The following OTUD7A variants were observed in gnomAD, a reference collection of about 807,000 sequenced individuals.
OTUD7A encodes OTU deubiquitinase 7A.
A neutral mutation model predicts 65.7 loss-of-function variants in OTUD7A; 12 were observed. The observed-to-expected ratio is 0.18, with a 90% confidence interval of 0.12 to 0.30. OTUD7A has a LOEUF of 0.30. Among genes scored for constraint, OTUD7A ranks in the 10% least tolerant of loss-of-function variants. The pLI, the probability that OTUD7A is intolerant of heterozygous loss-of-function variation, is 1.00. For missense variants in OTUD7A, 1,148 were observed against 1,304.8 expected (o/e 0.88, Z 1.85); for synonymous variants, 641 against 586.3 (o/e 1.09, Z -1.35).
chr15:31,586,768 G>A (rs1285143012), intron 3 of OTUD7A, among the ~76,000 whole-genome samples: 1 of 152,106 alleles, frequency 6.6e-6, no homozygotes, highest in African/African-American at 2.4e-5. Flanking sequence ...AACACTGAGA[G>A]CTAGCCACTC....
At chr15:31,730,088 G>A (rs939503321) in intron 1 of OTUD7A, among the ~76,000 whole-genome samples, 6 of 152,102 alleles carry the variant, frequency 3.9e-5, no homozygotes, top group African/African-American at 7.2e-5. Flanking sequence ...AATGGAATTC[G>A]TGCCCTGTTA....
chr15:31,731,179 G>C (rs1437719096), intron 1 of OTUD7A, among the ~76,000 whole-genome samples: 2 of 152,146 alleles, frequency 1.3e-5, no homozygotes, highest in Non-Finnish European at 2.9e-5. Context: ...TCTAAAGGGT[G>C]ATCTCTTTTT....
intron 1 of OTUD7A, chr15:31,766,550 A>G: frequency 1.2e-6 from 2 of 1,613,132 alleles, no homozygotes; most frequent in South Asian, 1.1e-5. Context: ...CTGTTTGCAC[A>G]CTTGTGCTGC....
intron 6 of OTUD7A, among the ~76,000 whole-genome samples, chr15:31,528,790 G>T (rs6493740): frequency 6.6e-6 from 1 of 152,160 alleles, no homozygotes; most frequent in Non-Finnish European, 1.5e-5. Flanking sequence ...AGGCCAACAG[G>T]GGTTCCACAA....
intron 1 of OTUD7A, among the ~76,000 whole-genome samples, chr15:31,802,101 ATATGTGTGTGTGTGTGTG>A (rs1179671505): frequency 7.1e-6 from 1 of 140,878 alleles, no homozygotes. Context: ...GTGTGTGTAT[ATATGTGTGTGTGTGTGTG>A]TGTGTGTGTG....
At chr15:31,599,189 T>C (rs770776474) in intron 3 of OTUD7A, among the ~76,000 whole-genome samples, 3 of 152,240 alleles carry the variant, frequency 2.0e-5, no homozygotes, top group Non-Finnish European at 4.4e-5. Flanking sequence ...AGTGGGTCCC[T>C]GACCCCTGTG....
chr15:31,689,828 T>G (rs1177829458), intron 1 of OTUD7A, among the ~76,000 whole-genome samples: 1 of 152,108 alleles, frequency 6.6e-6, no homozygotes, highest in Non-Finnish European at 1.5e-5. Flanking sequence ...GGACTGTGCT[T>G]CTCAGCGGGG....
At chr15:31,664,989 G>A (rs561633180) in intron 1 of OTUD7A, among the ~76,000 whole-genome samples, 1 of 152,152 alleles carries the variant, frequency 6.6e-6, no homozygotes, top group Non-Finnish European at 1.5e-5. Context: ...TGTATTTCTG[G>A]GTTCTCTATT....
chr15:31,532,368 C>G (rs1887651359), intron 5 of OTUD7A, among the ~76,000 whole-genome samples: 1 of 151,836 alleles, frequency 6.6e-6, no homozygotes, highest in African/African-American at 2.4e-5. Context: ...AAATAAAGAA[C>G]AAAAATATGG....
At chr15:31,699,905 T>C (rs1278599099) in intron 1 of OTUD7A, among the ~76,000 whole-genome samples, 2 of 152,060 alleles carry the variant, frequency 1.3e-5, no homozygotes, top group Non-Finnish European at 2.9e-5. Flanking sequence ...TCCCTCTGCA[T>C]TGTTAACAAA....
Position 31,487,860 on chromosome 15 carries a change from C to G in OTUD7A, c.1172-294G>C, listed in dbSNP as rs7164892. On this transcript the variant is annotated intron_variant, in intron 10 of 12. Coordinates refer to ENST00000307050, the MANE Select transcript of OTUD7A (RefSeq NM_001382637.1). This position sits in a 1 kb window ranked among gnomAD's most constrained non-coding sequence, Gnocchi z 6.0. Reference sequence around the variant, plus strand: ...AGAATGGGAAAAAAGCTATTGCTGCCTCTGCTATTTCTAGGAAGGATCTAG... The same window carrying G: ...AGAATGGGAAAAAAGCTATTGCTGCGTCTGCTATTTCTAGGAAGGATCTAG... 2.0e-5 allele frequency among the ~76,000 whole-genome samples: 3 copies of G among 152,006 alleles called. No homozygotes were observed. The highest frequency in any genetic ancestry group is 4.4e-5 in the Non-Finnish European group (3 of 67,990).
At chr15:31,606,187 T>A (rs1890233805) in intron 3 of OTUD7A, among the ~76,000 whole-genome samples, 1 of 152,242 alleles carries the variant, frequency 6.6e-6, no homozygotes, top group Admixed American at 6.5e-5. Context: ...ATATTTCACA[T>A]AAACAACTCT....
At chr15:31,565,180 T>C (rs1190167265) in intron 4 of OTUD7A, among the ~76,000 whole-genome samples, 1 of 152,192 alleles carries the variant, frequency 6.6e-6, no homozygotes, top group Non-Finnish European at 1.5e-5. Context: ...GCTTGAATAA[T>C]AGGCTGAGCT....
chr15:31,851,841 GTGTTTTGTTTGTTTTGTTT>G (rs967340340), intron 1 of OTUD7A, among the ~76,000 whole-genome samples: 1 of 152,128 alleles, frequency 6.6e-6, no homozygotes, highest in African/African-American at 2.4e-5. Context: ...TTGCCATTTT[GTGTTTTGTTTGTTTTGTTT>G]TGTTTTGTTT....
At chr15:31,714,239 T>C (rs1011787393) in intron 1 of OTUD7A, among the ~76,000 whole-genome samples, 27 of 152,118 alleles carry the variant, frequency 1.8e-4, no homozygotes, top group African/African-American at 4.8e-4. Context: ...CACTGGACAA[T>C]TGGAATATAT....
At chr15:31,799,390 C>T (rs1896059680) in intron 1 of OTUD7A, among the ~76,000 whole-genome samples, 3 of 152,200 alleles carry the variant, frequency 2.0e-5, no homozygotes. Context: ...ATGTTTCTGT[C>T]CACCCCATAT....
chr15:31,533,985 T>A (rs1304044869), intron 5 of OTUD7A, among the ~76,000 whole-genome samples: 1 of 152,224 alleles, frequency 6.6e-6, no homozygotes, highest in Admixed American at 6.5e-5. Flanking sequence ...TGATAAAGTA[T>A]GTGTATATAA....
At chr15:31,511,191 CACATATGTATATCTATATGTAACACACAT>C (rs1566893233) in intron 8 of OTUD7A, among the ~76,000 whole-genome samples, 1 of 2,544 alleles carries the variant, frequency 3.9e-4, no homozygotes, top group Non-Finnish European at 6.0e-4. Context: ...ATATGTAACA[CACATATGTATATCTATATGTAACACACAT>C]ACATATGTAT....
At chr15:31,740,414 G>C (rs943359763) in intron 1 of OTUD7A, among the ~76,000 whole-genome samples, 4 of 151,650 alleles carry the variant, frequency 2.6e-5, no homozygotes, top group African/African-American at 9.7e-5. Flanking sequence ...TCTGGCTGCT[G>C]CTCAGTGAGC....
Sources: gnomAD v4.1 joint callset for allele counts (sites outside exome capture counted in the v4.1 genomes callset) on GRCh38, gnomAD v4.1.1 for gene constraint, Gnocchi (gnomAD v3.1) non-coding constraint, MANE v1.5 for transcripts, NCBI Gene and HGNC (gene_info 2026-07-23, HGNC 2026-07-21) for gene names.